Variants in IGSF11 observed in about 807,000 individuals in gnomAD.
IGSF11 encodes immunoglobulin superfamily member 11.
In IGSF11, 22 loss-of-function variants were observed where a neutral mutation model predicts 41.0. The ratio of observed to expected loss-of-function variants is 0.54; its 90% CI spans 0.38 to 0.77. IGSF11 has a LOEUF of 0.77. IGSF11 is among the 30% of genes least tolerant of loss of function. The pLI is 0.00. For missense variants in IGSF11, 444 were observed against 530.8 expected, an observed-to-expected ratio of 0.84 and a Z score of 1.61; for synonymous variants, 219 against 201.3, an observed-to-expected ratio of 1.09 and a Z score of -0.74.
At chr3:118,935,748 A>C (rs906872441) in intron 1 of IGSF11, among the ~76,000 whole-genome samples, 11 of 152,094 alleles carry the variant, frequency 7.2e-5, no homozygotes, top group Non-Finnish European at 1.3e-4. Flanking sequence ...TCAGTAGAGG[A>C]AAGTTGAAGC....
At position 118,905,678 on chromosome 3, in the gene IGSF11, G is replaced by C. The variant is rs757172580; in HGVS notation, c.621C>G (p.Ala207=). The change falls in exon 5 of 7, where the codon GCC becomes GCG. Residue 207 remains alanine, a synonymous_variant. Transcript: ENST00000393775. ...CGCACTGGTACAAACCTGAAGACAGGGCACTGATGTTCCGGATGGTGACTG... is the reference window on the plus strand; with the variant it reads ...CGCACTGGTACAAACCTGAAGACAGCGCACTGATGTTCCGGATGGTGACTG... ...QGTVTIRNIS[A]LSSGLYQCVA... 2 of 1,613,806 alleles carry C rather than the reference G, an allele frequency of 1.2e-6. No individual in the cohort carries two copies. The highest frequency in any genetic ancestry group is 2.2e-5 in the South Asian group (2 of 91,064).
Position 119,062,987 on chromosome 3 carries a change from G to A in IGSF11, c.49+42157C>T, listed in dbSNP as rs141706614. 3.9e-3 allele frequency among the ~76,000 whole-genome samples: 600 copies of A among 152,132 alleles called. 11 individuals are homozygous for A. Among genetic ancestry groups the A allele is most frequent in the African/African-American group, 0.014 (574 of 41,516 alleles). ...TAAACATAGGACAGGAATTGTCAAC[G>A]GAATTATATATTCATTCTCATTATT... On this transcript the variant is annotated intron_variant, in intron 1 of 6. Transcript: ENST00000354673.
intron 1 of IGSF11, among the ~76,000 whole-genome samples, chr3:118,931,393 G>A (rs1168194349): frequency 1.3e-5 from 2 of 152,048 alleles, no homozygotes; most frequent in East Asian, 3.9e-4. Context: ...TCCTGAAAAG[G>A]AAATAATACA....
intron 1 of IGSF11, among the ~76,000 whole-genome samples, chr3:119,089,077 T>A (rs1378855223): frequency 6.6e-6 from 1 of 152,150 alleles, no homozygotes; most frequent in East Asian, 1.9e-4. Flanking sequence ...TGACTAACTC[T>A]ATGAAGCCAG....
chr3:119,017,519 C>G (rs1321950224), intron 1 of IGSF11, among the ~76,000 whole-genome samples: 1 of 152,180 alleles, frequency 6.6e-6, no homozygotes, highest in African/African-American at 2.4e-5. Context: ...CCAACTGTAA[C>G]TGTATTTTCC....
chr3:119,050,788 C>T (rs9759168), intron 1 of IGSF11, among the ~76,000 whole-genome samples: 3,711 of 151,734 alleles, frequency 0.024, 140 homozygotes, highest in African/African-American at 0.085. Flanking sequence ...AAATGTGGCA[C>T]ATATACACCA....
At chr3:118,968,773 C>G (rs1420184690) in intron 1 of IGSF11, among the ~76,000 whole-genome samples, 1 of 152,188 alleles carries the variant, frequency 6.6e-6, no homozygotes. Context: ...TATTTAGCTA[C>G]CTATTTTTAA....
chr3:119,126,885 G>A (rs2107534975), intron 1 of IGSF11, among the ~76,000 whole-genome samples: 1 of 152,248 alleles, frequency 6.6e-6, no homozygotes, highest in East Asian at 1.9e-4. Flanking sequence ...AGGGTCAGCA[G>A]CCTCAAAGTC....
intron 1 of IGSF11, among the ~76,000 whole-genome samples, chr3:118,988,641 C>T (rs909494414): frequency 2.0e-5 from 3 of 152,098 alleles, no homozygotes; most frequent in African/African-American, 7.2e-5. Flanking sequence ...GGGTGGGAAA[C>T]TTGGAGGACA....
chr3:119,136,532 T>C (rs1263226626), intron 1 of IGSF11, among the ~76,000 whole-genome samples: 2 of 152,112 alleles, frequency 1.3e-5, no homozygotes, highest in African/African-American at 2.4e-5. Context: ...GCTATATTTA[T>C]ATCAGACAAA....
rs550704317 is a variant in IGSF11 at position 119,026,849 on chromosome 3, G to C, written c.52+7682C>G. ...TTGAATGAACAACTCACAGACTATG[G>C]TTATTCAAACTTATATATTTAGCAG... is the stretch of plus-strand genomic sequence containing the variant. On this transcript the variant is annotated intron_variant, in intron 1 of 6. Coordinates refer to ENST00000393775, the MANE Select transcript of IGSF11 (RefSeq NM_001015887.3). 7.9e-5 allele frequency among the ~76,000 whole-genome samples: 12 copies of C among 152,194 alleles called. No homozygotes were observed. The South Asian group carries it at 2.5e-3, about 32-fold the overall frequency.
In IGSF11 at chr3:118,902,656, C is replaced by G. The variant is rs749743482; in HGVS notation, c.1160G>C (p.Arg387Thr). ...NRGSSPQVMS[R>T]SNGSVSRKPR... ...CTTCCTACTGACTGAGCCATTGCTC[C>G]TGGACATCACCTGTGGTGATGACCC... is the stretch of plus-strand genomic sequence containing the variant. Residue 387 changes from arginine (R) to threonine (T), a missense_variant, in exon 7 of 7, where the codon AGG becomes ACG. By Grantham distance (71) the Arg-to-Thr change is moderately conservative (BLOSUM62 -1). Transcript: ENST00000393775. 8.7e-6 allele frequency: 14 copies of G among 1,613,974 alleles called. No individual in the cohort carries two copies. Among genetic ancestry groups the G allele is most frequent in the Non-Finnish European group, 1.2e-5 (14 of 1,180,008 alleles).
At chr3:119,125,225 G>A (rs1047611916) in intron 1 of IGSF11, among the ~76,000 whole-genome samples, 2 of 152,142 alleles carry the variant, frequency 1.3e-5, no homozygotes, top group Non-Finnish European at 2.9e-5. Context: ...TGAAAGGGCC[G>A]GCAGTGCCAA....
At chr3:118,969,553 A>C (rs546792742) in intron 1 of IGSF11, among the ~76,000 whole-genome samples, 122 of 152,166 alleles carry the variant, frequency 8.0e-4, no homozygotes, top group Non-Finnish European at 9.0e-4. Flanking sequence ...CCCCGTGAAA[A>C]AAGCAAGATT....
chr3:118,905,135 C>A (rs865997278), intron 5 of IGSF11, among the ~76,000 whole-genome samples: 19 of 152,144 alleles, frequency 1.2e-4, no homozygotes, highest in African/African-American at 4.6e-4. Flanking sequence ...TAGGGGATAT[C>A]CTTCTACCTC....
chr3:119,109,390 G>A (rs990184711), upstream of IGSF11, among the ~76,000 whole-genome samples: 8 of 152,146 alleles, frequency 5.3e-5, no homozygotes, highest in African/African-American at 1.4e-4. Context: ...GGTGTTTGTA[G>A]TATTCTCTGA....
intron 3 of IGSF11, 28 bp downstream of exon 3, chr3:118,928,481 A>T (rs747712664): frequency 6.3e-7 from 1 of 1,591,238 alleles, no homozygotes; most frequent in South Asian, 1.1e-5. Context: ...GTAAAGCCCG[A>T]ACAGCCAAGG....
At chr3:118,983,457 A>G (rs868351402) in intron 1 of IGSF11, 4 of 151,880 alleles carry the variant, frequency 2.6e-5, no homozygotes, top group Admixed American at 1.3e-4. Context: ...GAGCTGTCAT[A>G]TGAAAGAAGG....
intron 1 of IGSF11, among the ~76,000 whole-genome samples, chr3:119,067,591 C>T (rs1051650097): frequency 2.0e-5 from 3 of 152,200 alleles, no homozygotes; most frequent in Admixed American, 1.3e-4. Flanking sequence ...TCAGCTCCCT[C>T]GTAATACCAA....
Sources: gnomAD v4.1 joint callset for allele counts (sites outside exome capture counted in the v4.1 genomes callset) on GRCh38, gnomAD v4.1.1 for gene constraint, MANE v1.5 for transcripts, NCBI Gene and HGNC (gene_info 2026-07-23, HGNC 2026-07-21) for gene names.